The following DNAH8 variants were observed in gnomAD, a reference collection of about 807,000 sequenced individuals.
DNAH8 encodes the protein dynein axonemal heavy chain 8.
In DNAH8, 382 loss-of-function variants were observed where a neutral mutation model predicts 562.1. The ratio of observed to expected loss-of-function variants is 0.68; its 90% CI spans 0.63 to 0.74. The LOEUF is 0.74. Ranked by LOEUF, DNAH8 falls within the 30% of genes least tolerant of loss-of-function variation. DNAH8 has a pLI of 0.00. For synonymous variants in DNAH8, 1,881 were observed against 1,919.4 expected, an observed-to-expected ratio of 0.98 and a Z score of 0.52; for missense variants, 5,203 against 5,620.4, an observed-to-expected ratio of 0.93 and a Z score of 2.37.
chr6:38,937,016 CAAT>C (rs1783027024), intron 77 of DNAH8, among the ~76,000 whole-genome samples: 1 of 151,468 alleles, frequency 6.6e-6, no homozygotes. Context: ...CCATTAAAAA[CAAT>C]AATAAAAAAA....
rs1783134571 is a variant in DNAH8, at chr6:38,938,315, C to T, written c.11816+89C>T. ...TTAGAAATTGCTTTTTCACTATTCACAATAGCAAAGACATGGAATCAACCT... is the reference window on the plus strand; with the variant it reads ...TTAGAAATTGCTTTTTCACTATTCATAATAGCAAAGACATGGAATCAACCT... On this transcript the variant is annotated intron_variant, in intron 78 of 92. Transcript: ENST00000327475. The T allele has an allele frequency of 7.6e-6, 11 of 1,448,858 alleles. No homozygotes were observed. In the South Asian group the frequency reaches 1.5e-4, roughly 19 times the overall value. 89.8% of individuals were successfully genotyped at this position (1,448,858 alleles called of 1,614,324 possible). A position where few individuals can be genotyped will look rare whatever the true frequency, so the allele number is the denominator to read the frequency against.
chr6:38,850,404 T>A lies in DNAH8; in HGVS notation c.5353T>A (p.Ser1785Thr). 1 of 1,612,556 alleles carries A rather than the reference T, an allele frequency of 6.2e-7. No homozygotes were observed. Among genetic ancestry groups the A allele is most frequent in the Non-Finnish European group, 8.5e-7 (1 of 1,179,280 alleles). ...LHEQLEVCQK[S>T]LTGYLEKKRL... ...TGAGCAGTTGGAAGTATGTCAGAAG[T>A]CACTCACAGGGTAAGAGTTTAATTT... The change falls in exon 38 of 93, where the codon TCA (serine) becomes ACA (threonine). Residue 1785 changes from serine to threonine, a missense_variant. Around this residue, in one of 6 missense-constraint regions of DNAH8, gnomAD observed 2,176 missense variants for 2,365.1 expected, o/e 0.92. Coordinates refer to ENST00000327475, the MANE Select transcript of DNAH8 (RefSeq NM_001206927.2).
intron 4 of DNAH8, among the ~76,000 whole-genome samples, chr6:38,731,126 G>A (rs1763632695): frequency 6.6e-6 from 1 of 152,126 alleles, no homozygotes. Context: ...TGGCTTTGTG[G>A]ATTTTCTGTC....
chr6:38,743,995 T>C (rs1374259090), intron 8 of DNAH8: 1 of 152,226 alleles, frequency 6.6e-6, no homozygotes, highest in Non-Finnish European at 1.5e-5. Flanking sequence ...GAAGCTTTTA[T>C]ATGTCCATAT....
chr6:38,715,930 ATATATAT>A (rs1562520320), intron 1 of DNAH8, among the ~76,000 whole-genome samples: 344 of 24,852 alleles, frequency 0.014, 32 homozygotes, highest in Non-Finnish European at 0.02. Context: ...AAATAAATAT[ATATATAT>A]ATATATATAT....
chr6:38,850,351 C>T lies in DNAH8; in HGVS notation c.5300C>T (p.Thr1767Ile). The part of the protein sequence containing the change: ...NVINCCVGDE[T>I]MGQLLPHLHE... ...ATTAATTGCTGTGTTGGAGATGAAA[C>T]CATGGGACAACTTTTACCTCATTTA... Residue 1767 changes from threonine to isoleucine, a missense_variant, in exon 38 of 93, where the codon ACC becomes ATC. By Grantham distance (89) the Thr-to-Ile change is moderately conservative. Transcript: ENST00000327475. The T allele has an allele frequency of 1.2e-6, 2 of 1,613,576 alleles. No individual in the cohort carries two copies. Among genetic ancestry groups the T allele is most frequent in the East Asian group, 2.2e-5 (1 of 44,850 alleles).
At chr6:38,860,411 C>A in intron 42 of DNAH8, 46 bp from the exon 43 acceptor site, 2 of 1,129,942 alleles carry the variant, frequency 1.8e-6, no homozygotes, top group Non-Finnish European at 1.2e-6. Context: ...ATGTTTTATG[C>A]TATTGCAATT....
intron 62 of DNAH8, among the ~76,000 whole-genome samples, chr6:38,903,954 C>T (rs1032592490): frequency 9.9e-5 from 15 of 151,888 alleles, no homozygotes; most frequent in Admixed American, 7.9e-4. Context: ...AAATGTAACC[C>T]CATTGTTAAG....
At chr6:38,805,618 C>T (rs535099149) in intron 23 of DNAH8, 22 bp downstream of exon 23, 1 of 1,318,910 alleles carries the variant, frequency 7.6e-7, no homozygotes, top group Admixed American at 1.7e-5. Flanking sequence ...GGAACAACTT[C>T]ATGCAATTCA....
chr6:38,935,808 A>G (rs1782911848), intron 77 of DNAH8, 111 bp downstream of exon 77: 2 of 740,744 alleles, frequency 2.7e-6, no homozygotes, highest in Non-Finnish European at 4.1e-6. Flanking sequence ...CATGTTATCA[A>G]TGCAAAAACA....
intron 11 of DNAH8, among the ~76,000 whole-genome samples, chr6:38,769,154 A>C (rs1288115807): frequency 2.6e-5 from 4 of 152,070 alleles, no homozygotes; most frequent in African/African-American, 9.7e-5. Flanking sequence ...GATGAGTTGG[A>C]GGAAACAATG....
At chr6:38,910,941 C>T (rs954918126) in intron 65 of DNAH8, among the ~76,000 whole-genome samples, 3 of 152,130 alleles carry the variant, frequency 2.0e-5, no homozygotes, top group African/African-American at 7.2e-5. Flanking sequence ...ACATTTGAAT[C>T]GAGTGTGGTT....
intron 88 of DNAH8, among the ~76,000 whole-genome samples, chr6:39,000,431 G>T (rs1335642851): frequency 6.6e-6 from 1 of 152,182 alleles, no homozygotes; most frequent in Non-Finnish European, 1.5e-5. Context: ...TTAAAACTGG[G>T]CCACACAGCA....
chr6:38,833,796 TA>T (rs561439824), intron 31 of DNAH8, among the ~76,000 whole-genome samples: 457 of 150,506 alleles, frequency 3.0e-3, no homozygotes, highest in Non-Finnish European at 4.5e-3. Context: ...CAGATAAACT[TA>T]AAAAAAAAAT....
chr6:38,789,959 TG>T, intron 19 of DNAH8, 76 bp downstream of exon 19: 1 of 1,144,160 alleles, frequency 8.7e-7, no homozygotes, highest in Non-Finnish European at 1.3e-6. Flanking sequence ...CTATGGATTT[TG>T]GAACATCTAT....
chr6:38,776,100 G>C (rs1768039138), intron 13 of DNAH8, 149 bp downstream of exon 13: 1 of 601,250 alleles, frequency 1.7e-6, no homozygotes, highest in East Asian at 2.7e-5. Flanking sequence ...TATTTGCAGT[G>C]TGAGTAACTT....
rs751017640 is a variant in DNAH8, at chr6:39,030,363, G to A, written c.14095G>A (p.Gly4699Arg). ...GTCCCCGGATCACTGGATCCTGAGA[G>A]GAGTGGCCCTTTTGTGTGACATCAA... ...VLSPDHWILR[G>R]VALLCDIK The change falls in exon 93 of 93, where the codon GGA becomes AGA. Residue 4699 changes from glycine to arginine, a missense_variant. Gly to Arg is a moderately radical substitution (Grantham distance 125). Transcript: ENST00000327475. 1.9e-6 allele frequency: 3 copies of A among 1,614,154 alleles called. No individual in the cohort carries two copies. The highest frequency in any genetic ancestry group is 3.3e-5 in the Admixed American group (2 of 60,028).
chr6:38,717,687 T>C (rs1762445951), intron 1 of DNAH8, among the ~76,000 whole-genome samples: 1 of 151,336 alleles, frequency 6.6e-6, no homozygotes, highest in South Asian at 2.1e-4. Flanking sequence ...AAAGTAAAAA[T>C]TCTTCTTCTA....
At chr6:38,917,010 T>C (rs1258615486) in intron 68 of DNAH8, among the ~76,000 whole-genome samples, 1 of 152,214 alleles carries the variant, frequency 6.6e-6, no homozygotes. Context: ...CAATGCCTGT[T>C]AGTGATATTT....
Sources: allele counts gnomAD v4.1 joint callset (sites outside exome capture counted in the v4.1 genomes callset), GRCh38; gene constraint gnomAD v4.1.1; regional missense constraint gnomAD v4.1.1; transcripts MANE v1.5; gene names NCBI Gene and HGNC (gene_info 2026-07-23, HGNC 2026-07-21).